The following IL31RA variants were observed in gnomAD, a reference collection of about 807,000 sequenced individuals.
IL31RA encodes interleukin 31 receptor A.
Under a neutral mutation model 83.7 loss-of-function variants are expected in IL31RA, and 66 were observed. The observed-to-expected ratio is 0.79, with a 90% confidence interval of 0.65 to 0.97. IL31RA has a LOEUF of 0.97. Ranked by LOEUF, IL31RA falls within the 50% of genes least tolerant of loss-of-function variation. The pLI, the probability that IL31RA is intolerant of heterozygous loss-of-function variation, is 0.00. For missense variants in IL31RA, 798 were observed against 919.4 expected (o/e 0.87, Z 1.71); for synonymous variants, 325 against 329.0 (o/e 0.99, Z 0.13).
At chr5:55,854,686 A>G (rs946820712) in intron 1 of IL31RA, among the ~76,000 whole-genome samples, 2 of 151,740 alleles carry the variant, frequency 1.3e-5, no homozygotes, top group Non-Finnish European at 2.9e-5. Context: ...CAGAGGTTGC[A>G]GTGAACCGAG....
intron 2 of IL31RA, among the ~76,000 whole-genome samples, chr5:55,866,343 A>C (rs903734865): frequency 6.6e-6 from 1 of 152,014 alleles, no homozygotes; most frequent in Non-Finnish European, 1.5e-5. Flanking sequence ...GTTTCATGGA[A>C]GACAATTTTT....
chr5:55,918,607 C>T lies in IL31RA; in HGVS notation c.*1487C>T, dbSNP rs576882537. On this transcript the variant is annotated 3_prime_UTR_variant, in exon 15 of 15. Coordinates refer to ENST00000652347, the MANE Select transcript of IL31RA (RefSeq NM_139017.7). ...GGCAGAGTTGGTCACTCAGTGGCAT[C>T]CTCTGGGTCATGTATTTGTCCGGCC... 1.3e-5 allele frequency among the ~76,000 whole-genome samples: 2 copies of T among 152,206 alleles called. No homozygotes were observed. The highest frequency in any genetic ancestry group is 4.8e-5 in the African/African-American group (2 of 41,498).
intron 2 of IL31RA, among the ~76,000 whole-genome samples, chr5:55,862,754 C>T (rs1240822416): frequency 6.6e-6 from 1 of 152,146 alleles, no homozygotes; most frequent in Admixed American, 6.6e-5. Flanking sequence ...TACCACATTG[C>T]GTTGAATTGT....
At position 55,919,050 on chromosome 5, in the gene IL31RA, G is replaced by T. The variant is rs886459882; in HGVS notation, c.*1930G>T. Among the ~76,000 whole-genome samples, 9 of 152,120 alleles carry T rather than the reference G, an allele frequency of 5.9e-5. No individual in the cohort carries two copies. Among genetic ancestry groups the T allele is most frequent in the African/African-American group, 2.2e-4 (9 of 41,414 alleles). ...GTTCTCCACCCCTTCTATGGTGTGG[G>T]CTCTTCTGTGAGCCCACTGTCCCCA... On this transcript the variant is annotated 3_prime_UTR_variant, in exon 15 of 15. Transcript: ENST00000652347.
At chr5:55,854,747 GAA>G (rs11409015) in intron 1 of IL31RA, among the ~76,000 whole-genome samples, 1 of 141,892 alleles carries the variant, frequency 7.0e-6, no homozygotes, top group Non-Finnish European at 1.5e-5. Flanking sequence ...CCCGTCTCCA[GAA>G]AAAAAAAAAG....
At chr5:55,875,620 A>G (rs1413733628) in intron 4 of IL31RA, among the ~76,000 whole-genome samples, 2 of 152,184 alleles carry the variant, frequency 1.3e-5, no homozygotes, top group East Asian at 3.8e-4. Flanking sequence ...AGGGGACAAG[A>G]TTATTCACTT....
intron 4 of IL31RA, among the ~76,000 whole-genome samples, chr5:55,876,450 AC>A (rs1179526789): frequency 1.3e-5 from 2 of 152,112 alleles, no homozygotes. Flanking sequence ...CGTCCTTCCT[AC>A]CCCCAGTTTA....
chr5:55,914,207 G>C (rs1472690882), intron 13 of IL31RA, among the ~76,000 whole-genome samples: 2 of 152,206 alleles, frequency 1.3e-5, no homozygotes, highest in African/African-American at 4.8e-5. Context: ...AGTCATCTCT[G>C]TCAAGCAGCT....
intron 13 of IL31RA, among the ~76,000 whole-genome samples, chr5:55,914,492 AG>A (rs1236202072): frequency 6.6e-6 from 1 of 152,180 alleles, no homozygotes; most frequent in Non-Finnish European, 1.5e-5. Flanking sequence ...GTAGCTTATA[AG>A]GTTTATAAAA....
intron 11 of IL31RA, among the ~76,000 whole-genome samples, chr5:55,909,315 CT>C (rs1264327576): frequency 1.3e-5 from 2 of 152,078 alleles, no homozygotes; most frequent in Non-Finnish European, 2.9e-5. Flanking sequence ...GTGTTTCAAC[CT>C]TTAGGCTATT....
At chr5:55,916,332 A>T (rs1314746747) in intron 14 of IL31RA, among the ~76,000 whole-genome samples, 1 of 151,814 alleles carries the variant, frequency 6.6e-6, no homozygotes, top group Non-Finnish European at 1.5e-5. Flanking sequence ...GTGAGTGGTG[A>T]TCATGCTACT....
chr5:55,881,038 C>T (rs544844172), intron 4 of IL31RA, among the ~76,000 whole-genome samples: 1 of 152,278 alleles, frequency 6.6e-6, no homozygotes, highest in Admixed American at 6.5e-5. Context: ...CGCGGTGGCT[C>T]ATGCCTGTAA....
At chr5:55,844,086 G>A in the IL31RA span, among the ~76,000 whole-genome samples, 1 of 152,022 alleles carries the variant, frequency 6.6e-6, no homozygotes, top group Non-Finnish European at 1.5e-5. Flanking sequence ...TGATGTTGGG[G>A]AGCCAGAGGG....
intron 11 of IL31RA, among the ~76,000 whole-genome samples, chr5:55,909,369 G>A (rs1347036447): frequency 6.6e-6 from 1 of 152,168 alleles, no homozygotes; most frequent in Admixed American, 6.5e-5. Flanking sequence ...ACGAACATAT[G>A]CTGCTGTGTA....
rs1202530824 is a variant in IL31RA at position 55,896,437 on chromosome 5, C to T, written c.852+8C>T. 10 of 1,596,542 alleles carry T rather than the reference C, an allele frequency of 6.3e-6. No individual in the cohort carries two copies. Among genetic ancestry groups the T allele is most frequent in the Non-Finnish European group, 7.7e-6 (9 of 1,164,600 alleles). On this transcript the variant is annotated splice_region_variant and intron_variant, in intron 7 of 14. Transcript: ENST00000652347. Reference sequence around the variant, plus strand: ...GTGCGGTTGTTATGGAAGGTGACCTCCCTCTGGATTCTTTTTCTCTCTCTT... The same window carrying T: ...GTGCGGTTGTTATGGAAGGTGACCTTCCTCTGGATTCTTTTTCTCTCTCTT...
At chr5:55,887,615 G>A (rs993111723) in intron 5 of IL31RA, among the ~76,000 whole-genome samples, 8 of 151,406 alleles carry the variant, frequency 5.3e-5, no homozygotes, top group Non-Finnish European at 7.4e-5. Flanking sequence ...GGCCGGGCAC[G>A]GTGGCTCACG....
rs1746341462 is a variant in IL31RA at position 55,868,810 on chromosome 5, G to A, written c.174G>A (p.Glu58=). Reference sequence around the variant, plus strand: ...ATTTAGCTCTGCCAGCTAAGCCTGAGAACATTTCCTGTGTCTACTACTATA... The same window carrying A: ...ATTTAGCTCTGCCAGCTAAGCCTGAAAACATTTCCTGTGTCTACTACTATA... ...FSLAALPAKP[E]NISCVYYYRK... Residue 58 remains glutamate, a synonymous_variant, in exon 3 of 15, where the codon GAG becomes GAA. Transcript: ENST00000652347. The A allele has an allele frequency of 6.2e-7, 1 of 1,605,866 alleles. No homozygotes were observed. Among genetic ancestry groups the A allele is most frequent in the East Asian group, 2.2e-5 (1 of 44,858 alleles).
chr5:55,851,707 A>G, intron 1 of IL31RA, 74 bp downstream of exon 1: 2 of 1,613,324 alleles, frequency 1.2e-6, no homozygotes, highest in Middle Eastern at 3.3e-4. Context: ...AGCTGTGAGT[A>G]ATGAGGGTTG....
intron 6 of IL31RA, 51 bp from the exon 7 acceptor site, chr5:55,896,299 T>C (rs1224172259): frequency 7.8e-7 from 1 of 1,282,642 alleles, no homozygotes; most frequent in East Asian, 2.3e-5. Context: ...TCCTGTCTCC[T>C]CTGCAACTCC....
Sources: gnomAD v4.1 joint callset for allele counts (sites outside exome capture counted in the v4.1 genomes callset) on GRCh38, gnomAD v4.1.1 for gene constraint, MANE v1.5 for transcripts, NCBI Gene and HGNC (gene_info 2026-07-23, HGNC 2026-07-21) for gene names.